The following TGFA variants were observed in gnomAD, a reference collection of about 807,000 sequenced individuals.
TGFA encodes transforming growth factor alpha, also known as protransforming growth factor alpha.
TGFA carries 12 observed loss-of-function variants against 21.7 expected under a neutral mutation model. That is an observed-to-expected ratio of 0.55 (90% CI 0.35 to 0.90). The LOEUF is 0.90. Among genes scored for constraint, TGFA ranks in the 40% least tolerant of loss-of-function variants. The pLI is 0.01. For synonymous variants in TGFA, 79 were observed against 88.1 expected (o/e 0.90, Z 0.58); for missense variants, 178 against 210.8 (o/e 0.84, Z 0.96).
intron 2 of TGFA, among the ~76,000 whole-genome samples, chr2:70,498,964 C>A (rs2103807211): frequency 6.6e-6 from 1 of 152,250 alleles, no homozygotes; most frequent in East Asian, 1.9e-4. Flanking sequence ...TGGATGCCAT[C>A]CCCAGGCCCT....
chr2:70,467,076 A>T (rs1296679603), intron 2 of TGFA, among the ~76,000 whole-genome samples: 4 of 152,070 alleles, frequency 2.6e-5, no homozygotes, highest in Non-Finnish European at 5.9e-5. Context: ...TAGGGAAAAG[A>T]ACTAATGCAT....
intron 2 of TGFA, among the ~76,000 whole-genome samples, chr2:70,505,009 AGTT>A (rs1671875861): frequency 6.6e-6 from 1 of 152,122 alleles, no homozygotes; most frequent in South Asian, 2.1e-4. Flanking sequence ...TTCTTCTTAG[AGTT>A]GTTGTAGAAA....
chr2:70,498,386 A>G (rs1671637892), intron 2 of TGFA, among the ~76,000 whole-genome samples: 1 of 152,242 alleles, frequency 6.6e-6, no homozygotes, highest in South Asian at 2.1e-4. Context: ...AATAGGCTGC[A>G]GGAAGAGGAG....
intron 1 of TGFA, among the ~76,000 whole-genome samples, chr2:70,538,686 T>G (rs1476149517): frequency 1.3e-5 from 2 of 152,208 alleles, no homozygotes; most frequent in Non-Finnish European, 2.9e-5. Context: ...GTAGAGTTAT[T>G]TCTTCTGGAT....
intron 5 of TGFA, chr2:70,451,721 A>T (rs1553489629): frequency 1.4e-6 from 1 of 690,632 alleles, no homozygotes; most frequent in Admixed American, 2.2e-5. Context: ...AAAAATAAAA[A>T]TATTTACCTT....
chr2:70,487,457 A>G (rs1241185644), intron 2 of TGFA, among the ~76,000 whole-genome samples: 1 of 152,242 alleles, frequency 6.6e-6, no homozygotes, highest in Non-Finnish European at 1.5e-5. Context: ...CATTTGTTTC[A>G]TATATACCTT....
At chr2:70,537,565 T>C (rs905379951) in intron 1 of TGFA, among the ~76,000 whole-genome samples, 3 of 152,222 alleles carry the variant, frequency 2.0e-5, no homozygotes, top group Admixed American at 6.5e-5. Context: ...ACAATAGCCT[T>C]ATGGTTGTTA....
chr2:70,546,199 T>C (rs543740830), intron 1 of TGFA, among the ~76,000 whole-genome samples: 23 of 152,346 alleles, frequency 1.5e-4, no homozygotes, highest in African/African-American at 3.1e-4. Flanking sequence ...TTAGGCACTA[T>C]AGATTTAATA....
At chr2:70,514,043 T>C (rs782556404) in intron 2 of TGFA, among the ~76,000 whole-genome samples, 1 of 152,236 alleles carries the variant, frequency 6.6e-6, no homozygotes, top group Non-Finnish European at 1.5e-5. Context: ...CTTCTAGGCA[T>C]GAAGAGGTAG....
chr2:70,457,300 T>TGC (rs1276008136), intron 3 of TGFA, among the ~76,000 whole-genome samples: 2 of 152,164 alleles, frequency 1.3e-5, no homozygotes, highest in African/African-American at 4.8e-5. Flanking sequence ...CCCCCTGCTA[T>TGC]GCCCAGATGG....
intron 1 of TGFA, among the ~76,000 whole-genome samples, chr2:70,552,795 G>A (rs537958843): frequency 1.3e-5 from 2 of 152,328 alleles, no homozygotes; most frequent in South Asian, 2.1e-4. Context: ...TAAACTCGGG[G>A]CATATCGAAC....
At chr2:70,464,741 A>G (rs1410642104) in intron 3 of TGFA, among the ~76,000 whole-genome samples, 1 of 152,190 alleles carries the variant, frequency 6.6e-6, no homozygotes, top group Middle Eastern at 3.2e-3. Flanking sequence ...TTGCCTAAAG[A>G]ATAAAGACAG....
At chr2:70,461,326 A>G (rs1489410507) in intron 3 of TGFA, among the ~76,000 whole-genome samples, 2 of 152,114 alleles carry the variant, frequency 1.3e-5, no homozygotes, top group Non-Finnish European at 2.9e-5. Flanking sequence ...TGATGGATCT[A>G]TGTAAGGGGG....
chr2:70,457,700 C>A (rs576467575), intron 3 of TGFA, among the ~76,000 whole-genome samples: 6 of 152,144 alleles, frequency 3.9e-5, no homozygotes, highest in African/African-American at 1.4e-4. Flanking sequence ...TGCCACCATG[C>A]CTGGCTAATT....
intron 3 of TGFA, among the ~76,000 whole-genome samples, chr2:70,464,040 C>T (rs1314382642): frequency 6.6e-6 from 1 of 152,146 alleles, no homozygotes; most frequent in Non-Finnish European, 1.5e-5. Flanking sequence ...TCTTTCTCTC[C>T]AGGTGAGGGC....
intron 1 of TGFA, among the ~76,000 whole-genome samples, chr2:70,547,327 G>T (rs1414487781): frequency 2.0e-5 from 3 of 152,216 alleles, no homozygotes; most frequent in South Asian, 4.1e-4. Flanking sequence ...GGGCACGGTG[G>T]CTCATGCCTG....
chr2:70,540,781 AT>A (rs1553505117), intron 1 of TGFA, among the ~76,000 whole-genome samples: 21 of 152,328 alleles, frequency 1.4e-4, no homozygotes. Flanking sequence ...TTCAGTGTGT[AT>A]TTTTAAAAAC....
intron 4 of TGFA, among the ~76,000 whole-genome samples, chr2:70,454,022 A>T (rs1244148813): frequency 4.0e-5 from 6 of 150,472 alleles, no homozygotes; most frequent in Admixed American, 1.3e-4. Context: ...AAAAAGCCCC[A>T]AAAGAACAGA....
chr2:70,537,562 C>G (rs782154856), intron 1 of TGFA, among the ~76,000 whole-genome samples: 4 of 152,164 alleles, frequency 2.6e-5, no homozygotes, highest in Non-Finnish European at 5.9e-5. Flanking sequence ...AGCACAATAG[C>G]CTTATGGTTG....
Sources: gnomAD v4.1 joint callset for allele counts (sites outside exome capture counted in the v4.1 genomes callset) on GRCh38, gnomAD v4.1.1 for gene constraint, MANE v1.5 for transcripts, NCBI Gene and HGNC (gene_info 2026-07-23, HGNC 2026-07-21) for gene names.